The following PLEKHA2 variants were observed in gnomAD, a reference collection of about 807,000 sequenced individuals.
The protein encoded by PLEKHA2 is pleckstrin homology domain containing A2, also known as pleckstrin homology domain-containing family A member 2.
A neutral mutation model predicts 53.2 loss-of-function variants in PLEKHA2; 28 were observed. The ratio of observed to expected loss-of-function variants is 0.53; its 90% CI spans 0.39 to 0.72. The LOEUF is 0.72. Ranked by LOEUF, PLEKHA2 falls within the 30% of genes least tolerant of loss-of-function variation. The pLI is 0.00. For synonymous variants in PLEKHA2, 193 were observed against 196.4 expected, an observed-to-expected ratio of 0.98 and a Z score of 0.14; for missense variants, 426 against 537.9, an observed-to-expected ratio of 0.79 and a Z score of 2.06.
At chr8:38,950,381 C>CTAG (rs1167092359) in intron 5 of PLEKHA2, among the ~76,000 whole-genome samples, 3 of 152,204 alleles carry the variant, frequency 2.0e-5, no homozygotes, top group African/African-American at 7.2e-5. Flanking sequence ...GTCTCCCTGC[C>CTAG]TTCTCCTCTA....
At chr8:38,924,361 C>T (rs749663177) in intron 2 of PLEKHA2, among the ~76,000 whole-genome samples, 5 of 151,978 alleles carry the variant, frequency 3.3e-5, no homozygotes, top group African/African-American at 1.2e-4. Flanking sequence ...GGGAGTCAGG[C>T]GCGGAGGCAA....
intron 3 of PLEKHA2, among the ~76,000 whole-genome samples, chr8:38,937,871 G>A (rs574566945): frequency 6.6e-5 from 10 of 152,296 alleles, no homozygotes; most frequent in African/African-American, 1.7e-4. Flanking sequence ...GCTTGCCACC[G>A]TGTCAGGTGG....
chr8:38,904,477 G>T (rs1703556373), intron 1 of PLEKHA2, among the ~76,000 whole-genome samples: 1 of 152,198 alleles, frequency 6.6e-6, no homozygotes, highest in African/African-American at 2.4e-5. Context: ...ACTCAAATTT[G>T]GCTGGCCCCT....
In PLEKHA2 at chr8:38,950,907, C is replaced by T. The variant is rs1412223661; in HGVS notation, c.403C>T (p.Pro135Ser). 3.7e-6 allele frequency: 6 copies of T among 1,613,892 alleles called. No individual in the cohort carries two copies. In the East Asian group the frequency reaches 1.3e-4, roughly 36 times the overall value. ...TGAAGTTCTCAAGAGCTTAGCAGCT[C>T]CTCCAGCCCTGGAGAAGAAGCCACA... is the stretch of plus-strand genomic sequence containing the variant. Reference protein sequence around the residue: ...TTEVLKSLAAPPALEKKPQVA... With the variant: ...TTEVLKSLAASPALEKKPQVA... The change falls in exon 6 of 12, where the codon CCT becomes TCT. Residue 135 changes from proline (P) to serine (S), a missense_variant. Coordinates refer to ENST00000617275, the MANE Select transcript of PLEKHA2 (RefSeq NM_021623.2).
In PLEKHA2 at chr8:38,957,352, AAAT is replaced by A. The variant is rs1199881439; in HGVS notation, c.809_811del (p.Ile270del). ...CTCTTAATGAGGGACAACCTGTTTG[AAAT>A]AATAACAAGCTCCAGGACCTTCTAC... is the stretch of plus-strand genomic sequence containing the variant. On this transcript the variant is annotated inframe_deletion, in exon 10 of 12. Coordinates refer to ENST00000617275, the MANE Select transcript of PLEKHA2 (RefSeq NM_021623.2). The A allele has an allele frequency of 6.2e-7, 1 of 1,613,166 alleles. No individual in the cohort carries two copies. The highest frequency in any genetic ancestry group is 8.5e-7 in the Non-Finnish European group (1 of 1,179,350).
chr8:38,947,146 G>C lies in PLEKHA2; in HGVS notation c.345+925G>C, dbSNP rs768465257. Among the ~76,000 whole-genome samples the C allele has an allele frequency of 7.3e-5, 10 of 137,500 alleles. No individual in the cohort carries two copies. The East Asian group carries it at 1.9e-3, about 26-fold the overall frequency. The allele number at this position is 137,500 out of a possible 152,430, so 90.2% of individuals were successfully genotyped here. A position where few individuals can be genotyped will look rare whatever the true frequency, so the allele number is the denominator to read the frequency against. On this transcript the variant is annotated intron_variant, in intron 5 of 11. Transcript: ENST00000617275. ...TTAGCTTCTTATTCTGATAAACCTT[G>C]GTAAACCCGTGAAAAGAGAGAGTGA...
Position 38,970,332 on chromosome 8 carries a change from G to T in PLEKHA2, c.*549G>T. ...CCTTTGAATGAAGCCTTGTGTGCTT[G>T]CATGATCAGACCCTGTAATAGGATG... On this transcript the variant is annotated 3_prime_UTR_variant, in exon 12 of 12. Coordinates refer to ENST00000617275, the MANE Select transcript of PLEKHA2 (RefSeq NM_021623.2). 1 of 273,874 alleles carries T rather than the reference G, an allele frequency of 3.7e-6. No individual in the cohort carries two copies. The highest frequency in any genetic ancestry group is 6.7e-6 in the Non-Finnish European group (1 of 149,548). 17.0% of individuals were successfully genotyped at this position (273,874 alleles called of 1,614,324 possible). A position where few individuals can be genotyped will look rare whatever the true frequency, so the allele number is the denominator to read the frequency against.
intron 1 of PLEKHA2, among the ~76,000 whole-genome samples, chr8:38,905,262 A>G (rs1034487771): frequency 1.3e-5 from 2 of 152,138 alleles, no homozygotes; most frequent in Admixed American, 1.3e-4. Flanking sequence ...GTTTAAGACC[A>G]GCCTGGGGAA....
At chr8:38,946,390 G>A (rs1328906846) in intron 5 of PLEKHA2, among the ~76,000 whole-genome samples, 169 bp downstream of exon 5, 1 of 152,232 alleles carries the variant, frequency 6.6e-6, no homozygotes, top group Non-Finnish European at 1.5e-5. Context: ...CCAAACACAA[G>A]TTGAACTGAG....
chr8:38,962,286 C>T (rs975665377), intron 10 of PLEKHA2, among the ~76,000 whole-genome samples: 3 of 151,986 alleles, frequency 2.0e-5, no homozygotes, highest in African/African-American at 4.8e-5. Context: ...CCCAGGAGTG[C>T]GACACCAGCC....
chr8:38,921,968 G>A (rs933861137), intron 2 of PLEKHA2, among the ~76,000 whole-genome samples: 1 of 152,200 alleles, frequency 6.6e-6, no homozygotes, highest in Non-Finnish European at 1.5e-5. Flanking sequence ...ATTACTGTGT[G>A]CCAAGCACAC....
chr8:38,915,238 AC>A (rs1834037784), intron 1 of PLEKHA2, among the ~76,000 whole-genome samples: 3 of 152,138 alleles, frequency 2.0e-5, no homozygotes, highest in Non-Finnish European at 4.4e-5. Context: ...GAGCCACTGC[AC>A]CCAGCCTGGG....
At position 38,970,239 on chromosome 8, in the gene PLEKHA2, AG is replaced by A; in HGVS notation, c.*457del. The A allele has an allele frequency of 2.4e-6, 1 of 416,002 alleles. No homozygotes were observed. The highest frequency in any genetic ancestry group is 4.2e-6 in the Non-Finnish European group (1 of 239,370). The allele number at this position is 416,002 out of a possible 1,614,324, so 25.8% of individuals were successfully genotyped here. A position where few individuals can be genotyped will look rare whatever the true frequency, so the allele number is the denominator to read the frequency against. ...AGCTCTTTTGGAATGGGCCAGCATT[AG>A]TCTAATTTTAAGCGCTATGTGTTTT... On this transcript the variant is annotated 3_prime_UTR_variant, in exon 12 of 12. Coordinates refer to ENST00000617275, the MANE Select transcript of PLEKHA2 (RefSeq NM_021623.2).
chr8:38,920,540 GC>G (rs1834166261), intron 2 of PLEKHA2, among the ~76,000 whole-genome samples: 1 of 151,120 alleles, frequency 6.6e-6, no homozygotes, highest in Non-Finnish European at 1.5e-5. Flanking sequence ...CTCCCAAAGT[GC>G]TGGGATTACA....
intron 3 of PLEKHA2, among the ~76,000 whole-genome samples, chr8:38,936,275 C>T (rs1834493178): frequency 1.3e-5 from 2 of 152,130 alleles, no homozygotes; most frequent in South Asian, 4.1e-4. Flanking sequence ...GCCTCTTACT[C>T]CTTGAACACA....
At chr8:38,949,500 T>A (rs1834785736) in intron 5 of PLEKHA2, among the ~76,000 whole-genome samples, 1 of 152,274 alleles carries the variant, frequency 6.6e-6, no homozygotes, top group Non-Finnish European at 1.5e-5. Flanking sequence ...TAAAAAATAC[T>A]GCATGTGACT....
At chr8:38,928,236 C>CTTTTTTTTT (rs11414317) in intron 2 of PLEKHA2, among the ~76,000 whole-genome samples, 10 of 110,130 alleles carry the variant, frequency 9.1e-5, no homozygotes, top group African/African-American at 1.1e-4. Context: ...CTGACCTGGT[C>CTTTTTTTTT]TTTTTTTTTT....
intron 4 of PLEKHA2, among the ~76,000 whole-genome samples, chr8:38,945,311 G>T (rs188179374): frequency 2.0e-5 from 3 of 152,086 alleles, no homozygotes; most frequent in Admixed American, 1.3e-4. Flanking sequence ...GTTTCCTAGC[G>T]CATAGTAGGT....
At position 38,953,283 on chromosome 8, in the gene PLEKHA2, G is replaced by C; in HGVS notation, c.703-14G>C. The C allele has an allele frequency of 6.2e-7, 1 of 1,605,998 alleles. No homozygotes were observed. ...GACAGCCTCACTTACCTGTCTTTCT[G>C]TTCTTTCCACCAGGACCGAGAACCA... On this transcript the variant is annotated splice_polypyrimidine_tract_variant and intron_variant, in intron 8 of 11. Coordinates refer to ENST00000617275, the MANE Select transcript of PLEKHA2 (RefSeq NM_021623.2).
Sources: allele counts gnomAD v4.1 joint callset (sites outside exome capture counted in the v4.1 genomes callset), GRCh38; gene constraint gnomAD v4.1.1; transcripts MANE v1.5; gene names NCBI Gene and HGNC (gene_info 2026-07-23, HGNC 2026-07-21).